GRID2: variants seen among roughly 807,000 people sequenced by gnomAD.
GRID2 encodes the protein glutamate ionotropic receptor delta type subunit 2, also known as glutamate receptor ionotropic, delta-2.
Under a neutral mutation model 114.8 loss-of-function variants are expected in GRID2, and 33 were observed. The ratio of observed to expected loss-of-function variants is 0.29; its 90% CI spans 0.22 to 0.38. The LOEUF (loss-of-function observed/expected upper bound fraction) is 0.38. GRID2 is among the 10% of genes least tolerant of loss of function. GRID2 has a pLI of 1.00. For missense variants in GRID2, 1,184 were observed against 1,257.7 expected, an observed-to-expected ratio of 0.94 and a Z score of 0.89; for synonymous variants, 505 against 449.9, an observed-to-expected ratio of 1.12 and a Z score of -1.55.
At chr4:93,763,564 A>T (rs879776072) in intron 14 of GRID2, among the ~76,000 whole-genome samples, 1 of 152,198 alleles carries the variant, frequency 6.6e-6, no homozygotes, top group Admixed American at 6.5e-5. Flanking sequence ...TTCTCTGCAT[A>T]CTTACATATT....
chr4:92,578,641 G>A (rs1728020918), intron 1 of GRID2, among the ~76,000 whole-genome samples: 1 of 152,012 alleles, frequency 6.6e-6, no homozygotes, highest in Non-Finnish European at 1.5e-5. Flanking sequence ...AGTCACTCTG[G>A]AGGCTGAGGC....
chr4:92,716,642 C>A (rs1472625691), intron 2 of GRID2, among the ~76,000 whole-genome samples: 1 of 152,064 alleles, frequency 6.6e-6, no homozygotes, highest in African/African-American at 2.4e-5. Flanking sequence ...GTACTGCTTC[C>A]CACAGCACTG....
At position 93,374,838 on chromosome 4, in the gene GRID2, C is replaced by A. The variant is rs187449325; in HGVS notation, c.1246-20769C>A. ...TCATTAAAAGTGTGTAAATTTTGCA[C>A]GTTCCCTACATTTATTTTCCAGTAA... On this transcript the variant is annotated intron_variant, in intron 8 of 15. Transcript: ENST00000282020. 7.5e-4 allele frequency among the ~76,000 whole-genome samples: 114 copies of A among 152,250 alleles called. 1 individual carries two copies. Among genetic ancestry groups the A allele is most frequent in the Middle Eastern group, 3.4e-3 (1 of 294 alleles).
intron 4 of GRID2, among the ~76,000 whole-genome samples, chr4:93,199,273 CTT>C (rs762402818): frequency 6.6e-6 from 1 of 152,144 alleles, no homozygotes; most frequent in Non-Finnish European, 1.5e-5. Context: ...ATTTTTAAAT[CTT>C]TATTCTCATG....
intron 2 of GRID2, among the ~76,000 whole-genome samples, chr4:92,959,260 C>T (rs1305953584): frequency 6.6e-6 from 1 of 151,574 alleles, no homozygotes; most frequent in Non-Finnish European, 1.5e-5. Context: ...TCTCCTTTTC[C>T]TAGTTTCCTA....
chr4:92,560,104 A>G (rs1727039751), intron 1 of GRID2, among the ~76,000 whole-genome samples: 1 of 152,206 alleles, frequency 6.6e-6, no homozygotes, highest in African/African-American at 2.4e-5. Flanking sequence ...AATGAGGGAC[A>G]TATCTCCTCC....
At chr4:92,988,169 C>T (rs899500993) in intron 2 of GRID2, among the ~76,000 whole-genome samples, 1 of 152,068 alleles carries the variant, frequency 6.6e-6, no homozygotes, top group African/African-American at 2.4e-5. Context: ...CAGCTGGGTG[C>T]TTCTGGCTCA....
intron 1 of GRID2, among the ~76,000 whole-genome samples, chr4:93,790,675 C>T (rs1734677508): frequency 6.6e-6 from 1 of 151,646 alleles, no homozygotes; most frequent in Non-Finnish European, 1.5e-5. Flanking sequence ...TTTTGACAAA[C>T]ATGTTCATGT....
chr4:92,749,998 A>T (rs893082528), intron 2 of GRID2, among the ~76,000 whole-genome samples: 6 of 152,088 alleles, frequency 3.9e-5, no homozygotes, highest in African/African-American at 1.4e-4. Context: ...AGTAGCTGGG[A>T]TTACAGGCAT....
chr4:92,675,244 A>G (rs1466414713), intron 2 of GRID2, among the ~76,000 whole-genome samples: 1 of 152,170 alleles, frequency 6.6e-6, no homozygotes, highest in Non-Finnish European at 1.5e-5. Flanking sequence ...GGTTAATCAG[A>G]ACTCCACTGT....
chr4:93,450,355 A>C, intron 10 of GRID2, among the ~76,000 whole-genome samples: 1 of 151,846 alleles, frequency 6.6e-6, no homozygotes, highest in East Asian at 1.9e-4. Context: ...TCAAATGCAA[A>C]ATTTTCATCT....
chr4:92,678,727 AGAGAGTGT>A (rs1733505904), intron 2 of GRID2, among the ~76,000 whole-genome samples: 1 of 151,954 alleles, frequency 6.6e-6, no homozygotes. Flanking sequence ...ATGAGTTATC[AGAGAGTGT>A]AAGCATTTAT....
chr4:93,718,873 A>G (rs894296977), intron 14 of GRID2, among the ~76,000 whole-genome samples: 2 of 152,184 alleles, frequency 1.3e-5, no homozygotes, highest in African/African-American at 4.8e-5. Context: ...CTCAAATTCT[A>G]TGAGTCAATT....
intron 2 of GRID2, among the ~76,000 whole-genome samples, chr4:92,676,727 C>T (rs1733393563): frequency 6.6e-6 from 1 of 151,468 alleles, no homozygotes; most frequent in South Asian, 2.1e-4. Flanking sequence ...TAAAGCAATT[C>T]CTCAAAAAAA....
intron 14 of GRID2, among the ~76,000 whole-genome samples, chr4:93,763,787 G>A (rs1235810105): frequency 6.6e-6 from 1 of 152,084 alleles, no homozygotes; most frequent in Non-Finnish European, 1.5e-5. Flanking sequence ...GAAACAGACG[G>A]GGAAGCAATA....
chr4:93,531,744 A>G (rs1028353687), intron 13 of GRID2, among the ~76,000 whole-genome samples: 1 of 152,160 alleles, frequency 6.6e-6, no homozygotes, highest in Admixed American at 6.6e-5. Flanking sequence ...GTACATTACT[A>G]CAATATATAT....
chr4:93,056,688 T>C (rs1727276920), intron 2 of GRID2, among the ~76,000 whole-genome samples: 2 of 151,986 alleles, frequency 1.3e-5, no homozygotes, highest in South Asian at 4.1e-4. Context: ...TATTCGTGCA[T>C]GATAAATATA....
chr4:92,681,866 A>T (rs1455325032), intron 2 of GRID2, among the ~76,000 whole-genome samples: 1 of 152,126 alleles, frequency 6.6e-6, no homozygotes, highest in Non-Finnish European at 1.5e-5. Context: ...TGGAAGCCAT[A>T]TGCATTCTGT....
At chr4:92,832,175 C>T (rs192948902) in intron 2 of GRID2, among the ~76,000 whole-genome samples, 1 of 152,056 alleles carries the variant, frequency 6.6e-6, no homozygotes, top group East Asian at 1.9e-4. Context: ...CATGGTGGCT[C>T]ACTCCTGTAA....
Sources: gnomAD v4.1 joint callset for allele counts (sites outside exome capture counted in the v4.1 genomes callset) on GRCh38, gnomAD v4.1.1 for gene constraint, MANE v1.5 for transcripts, NCBI Gene and HGNC (gene_info 2026-07-23, HGNC 2026-07-21) for gene names.